Variants in WRN observed in about 807,000 individuals in gnomAD.
The protein encoded by WRN is WRN RecQ like helicase, also known as bifunctional 3'-5' exonuclease/ATP-dependent helicase WRN.
A neutral mutation model predicts 180.7 loss-of-function variants in WRN; 149 were observed. That is an observed-to-expected ratio of 0.82 (90% CI 0.72 to 0.94). WRN has a LOEUF of 0.94. Among genes scored for constraint, WRN ranks in the 40% least tolerant of loss-of-function variants. The pLI, the probability that WRN is intolerant of heterozygous loss-of-function variation, is 0.00. For missense variants in WRN, 1,661 were observed against 1,700.1 expected, an observed-to-expected ratio of 0.98 and a Z score of 0.40; for synonymous variants, 548 against 568.9, an observed-to-expected ratio of 0.96 and a Z score of 0.52.
intron 17 of WRN, among the ~76,000 whole-genome samples, chr8:31,099,461 T>A (rs1248426806): frequency 1.3e-5 from 2 of 151,730 alleles, no homozygotes; most frequent in East Asian, 3.9e-4. Flanking sequence ...GCCAAAACAG[T>A]GATAATATTG....
intron 31 of WRN, among the ~76,000 whole-genome samples, chr8:31,152,249 T>C (rs1008358306): frequency 1.3e-5 from 2 of 151,700 alleles, no homozygotes; most frequent in Non-Finnish European, 2.9e-5. Flanking sequence ...GAGAATGGCG[T>C]GAACCTGGGA....
At chr8:31,119,662 TTATC>T (rs1801645638) in intron 20 of WRN, among the ~76,000 whole-genome samples, 3 of 152,016 alleles carry the variant, frequency 2.0e-5, no homozygotes, top group South Asian at 2.1e-4. Flanking sequence ...TTTTTCTTTC[TTATC>T]TATTTGTATT....
At chr8:31,063,230 A>G (rs1812559322) in intron 3 of WRN, among the ~76,000 whole-genome samples, 1 of 152,096 alleles carries the variant, frequency 6.6e-6, no homozygotes, top group South Asian at 2.1e-4. Flanking sequence ...ATGCTAACAA[A>G]CTGTGTACTC....
chr8:31,053,226 C>G (rs549559636), intron 1 of WRN, among the ~76,000 whole-genome samples: 6 of 152,272 alleles, frequency 3.9e-5, no homozygotes, highest in African/African-American at 1.4e-4. Flanking sequence ...TTGAAACATA[C>G]AAGGTACTAT....
chr8:31,091,776 A>T lies in WRN; in HGVS notation c.1830-54A>T, dbSNP rs180956644. On this transcript the variant is annotated intron_variant, in intron 15 of 34. Coordinates refer to ENST00000298139, the MANE Select transcript of WRN (RefSeq NM_000553.6). Reference sequence around the variant, plus strand: ...TTATTCTTTCTCACTTAAGAGTGAAATTGATATGTGTAATGTGTACATGGT... The same window carrying T: ...TTATTCTTTCTCACTTAAGAGTGAATTTGATATGTGTAATGTGTACATGGT... 120 of 1,437,946 alleles carry T rather than the reference A, an allele frequency of 8.3e-5. No homozygotes were observed. In the African/African-American group the frequency reaches 1.4e-3, roughly 17 times the overall value. The allele number at this position is 1,437,946 out of a possible 1,614,324, so 89.1% of individuals were successfully genotyped here. A position where few individuals can be genotyped will look rare whatever the true frequency, so the allele number is the denominator to read the frequency against.
chr8:31,114,566 T>C (rs1801439766), intron 19 of WRN, among the ~76,000 whole-genome samples: 1 of 152,202 alleles, frequency 6.6e-6, no homozygotes, highest in Admixed American at 6.5e-5. Flanking sequence ...AGCAACACTG[T>C]TGCATATAAA....
At chr8:31,119,687 T>C (rs990944307) in intron 20 of WRN, among the ~76,000 whole-genome samples, 2 of 151,996 alleles carry the variant, frequency 1.3e-5, no homozygotes, top group African/African-American at 4.8e-5. Flanking sequence ...TTTATTGTTA[T>C]TACCTAAAAA....
chr8:31,076,033 T>C (rs959265528), intron 7 of WRN, 140 bp from the exon 8 acceptor site: 1 of 703,378 alleles, frequency 1.4e-6, no homozygotes, highest in African/African-American at 1.8e-5. Flanking sequence ...ATTTGGGGAT[T>C]GAATAAGAAG....
At chr8:31,150,534 A>G (rs1447222915) in intron 31 of WRN, 79 bp downstream of exon 31, 3 of 1,193,848 alleles carry the variant, frequency 2.5e-6, no homozygotes, top group Non-Finnish European at 2.5e-6. Flanking sequence ...TCCAGAAGCA[A>G]CATTTGCTCA....
At chr8:31,100,189 A>G (rs1178668879) in intron 17 of WRN, among the ~76,000 whole-genome samples, 1 of 152,236 alleles carries the variant, frequency 6.6e-6, no homozygotes, top group African/African-American at 2.4e-5. Flanking sequence ...CTTTTCTGAC[A>G]TGCATTACAA....
intron 1 of WRN, among the ~76,000 whole-genome samples, chr8:31,047,895 G>A (rs1811930446): frequency 6.6e-6 from 1 of 152,150 alleles, no homozygotes; most frequent in South Asian, 2.1e-4. Context: ...GCTGTGCCAT[G>A]GATTCAGTTC....
At chr8:31,100,019 C>T (rs557734776) in intron 17 of WRN, among the ~76,000 whole-genome samples, 5 of 152,026 alleles carry the variant, frequency 3.3e-5, no homozygotes, top group South Asian at 2.1e-4. Flanking sequence ...TCCTAGTGTC[C>T]GAACATTATT....
At chr8:31,082,722 G>C (rs1332430546) in intron 9 of WRN, among the ~76,000 whole-genome samples, 1 of 151,606 alleles carries the variant, frequency 6.6e-6, no homozygotes, top group East Asian at 1.9e-4. Context: ...TCAGCCTCCC[G>C]AGTCACTGGG....
At chr8:31,108,140 C>G (rs1387929234) in intron 18 of WRN, among the ~76,000 whole-genome samples, 1 of 152,056 alleles carries the variant, frequency 6.6e-6, no homozygotes, top group Non-Finnish European at 1.5e-5. Flanking sequence ...AAACTTGCTG[C>G]CTGTTAAAAA....
At chr8:31,103,028 T>C (rs1241083845) in intron 18 of WRN, among the ~76,000 whole-genome samples, 3 of 152,196 alleles carry the variant, frequency 2.0e-5, no homozygotes, top group Non-Finnish European at 4.4e-5. Context: ...TTTAAAACTT[T>C]TTTGTTAAAA....
At chr8:31,065,436 T>G (rs1402451066) in intron 5 of WRN, among the ~76,000 whole-genome samples, 4 of 152,130 alleles carry the variant, frequency 2.6e-5, no homozygotes, top group African/African-American at 7.2e-5. Context: ...CCTCTGTGTG[T>G]CCATGTTTTC....
intron 1 of WRN, among the ~76,000 whole-genome samples, chr8:31,048,047 G>A (rs1417398236): frequency 6.6e-6 from 1 of 152,080 alleles, no homozygotes; most frequent in Non-Finnish European, 1.5e-5. Context: ...TCCATTTACA[G>A]TTTATTTCAC....
In WRN at chr8:31,147,834, T is replaced by C. The variant is rs111300212; in HGVS notation, c.3572+358T>C. Among the ~76,000 whole-genome samples the C allele has an allele frequency of 3.9e-5, 6 of 152,182 alleles. 1 individual carries two copies. Among genetic ancestry groups the C allele is most frequent in the African/African-American group, 1.4e-4 (6 of 41,528 alleles). On this transcript the variant is annotated intron_variant, in intron 30 of 34. Coordinates refer to ENST00000298139, the MANE Select transcript of WRN (RefSeq NM_000553.6). ...TAATGCTTAAAACCTCTGATCTGAA[T>C]TTTCTCTCCTCCAATATAAAACCCC...
Position 31,089,761 on chromosome 8 carries a change from T to C in WRN, c.1653-704T>C, listed in dbSNP as rs1813669953. ...GAAAATTTTCTAAGATGTAGTAAAG[T>C]TGAAAGAACTTTTTTCTGTGCATGT... On this transcript the variant is annotated intron_variant, in intron 13 of 34. Transcript: ENST00000298139. 2.6e-5 allele frequency among the ~76,000 whole-genome samples: 4 copies of C among 152,072 alleles called. No individual in the cohort carries two copies. In the South Asian group the frequency reaches 8.3e-4, roughly 32 times the overall value.
Sources: gnomAD v4.1 joint callset for allele counts (sites outside exome capture counted in the v4.1 genomes callset) on GRCh38, gnomAD v4.1.1 for gene constraint, MANE v1.5 for transcripts, NCBI Gene and HGNC (gene_info 2026-07-23, HGNC 2026-07-21) for gene names.